Variants in LGSN observed in about 807,000 individuals in gnomAD.
LGSN encodes lengsin, lens protein with glutamine synthetase domain, also known as lengsin.
In LGSN, 21 loss-of-function variants were observed where a neutral mutation model predicts 19.5. The observed-to-expected ratio is 1.07, with a 90% CI of 0.76 to 1.55. The LOEUF (loss-of-function observed/expected upper bound fraction) is 1.55. Among genes scored for constraint, LGSN ranks in the 40% most tolerant of loss-of-function variants. The pLI, the probability that LGSN is intolerant of heterozygous loss-of-function variation, is 0.00. For missense variants in LGSN, 673 were observed against 608.5 expected, an observed-to-expected ratio of 1.11 and a Z score of -1.12; for synonymous variants, 257 against 215.6, an observed-to-expected ratio of 1.19 and a Z score of -1.68.
At chr6:63,451,697 T>C in the LGSN span, among the ~76,000 whole-genome samples, 1 of 151,974 alleles carries the variant, frequency 6.6e-6, no homozygotes, top group African/African-American at 2.4e-5. Context: ...CAAACCCCCA[T>C]GACACAAGTT....
the LGSN span, among the ~76,000 whole-genome samples, chr6:63,357,546 T>G: frequency 2.6e-5 from 4 of 152,218 alleles, no homozygotes; most frequent in Non-Finnish European, 5.9e-5. Flanking sequence ...AGATGGTATC[T>G]CATTGTGGTT....
chr6:63,543,936 T>G, the LGSN span, among the ~76,000 whole-genome samples: 1 of 152,230 alleles, frequency 6.6e-6, no homozygotes, highest in Non-Finnish European at 1.5e-5. Flanking sequence ...TAAGAGTTGT[T>G]TATAAAGTTT....
intron 3 of LGSN, among the ~76,000 whole-genome samples, chr6:63,284,388 T>A (rs911490263): frequency 2.6e-5 from 4 of 152,002 alleles, no homozygotes; most frequent in Non-Finnish European, 5.9e-5. Context: ...AGCAGTTGGA[T>A]AAAAAAAAGT....
chr6:63,337,735 T>C, the LGSN span, among the ~76,000 whole-genome samples: 1 of 151,792 alleles, frequency 6.6e-6, no homozygotes, highest in Non-Finnish European at 1.5e-5. Flanking sequence ...GCCCAGGAAG[T>C]TGAGCCTGCA....
chr6:63,319,883 G>A (rs1225564108), intron 1 of LGSN, 31 bp downstream of exon 1: 1 of 1,533,484 alleles, frequency 6.5e-7, no homozygotes, highest in Non-Finnish European at 9.0e-7. Flanking sequence ...CAATATTTTG[G>A]TTAAAAACAT....
At chr6:63,296,288 G>C (rs1767973833) in intron 1 of LGSN, among the ~76,000 whole-genome samples, 2 of 151,622 alleles carry the variant, frequency 1.3e-5, no homozygotes, top group Admixed American at 1.3e-4. Flanking sequence ...TGGATAATAT[G>C]ATACTTAATA....
the LGSN span, among the ~76,000 whole-genome samples, chr6:63,409,802 G>A: frequency 7.2e-5 from 11 of 152,170 alleles, no homozygotes; most frequent in South Asian, 6.2e-4. Context: ...TTGGAAGGCC[G>A]AGATGGGCAG....
At chr6:63,414,243 A>G in the LGSN span, among the ~76,000 whole-genome samples, 1 of 152,056 alleles carries the variant, frequency 6.6e-6, no homozygotes, top group African/African-American at 2.4e-5. Context: ...GGTGCCAAAA[A>G]AAAAATATTA....
chr6:63,390,118 CTTTTTTTTTTTTTTTT>C, the LGSN span, among the ~76,000 whole-genome samples: 1 of 66,336 alleles, frequency 1.5e-5, no homozygotes, highest in South Asian at 5.4e-4. Context: ...TTCTTTCTTT[CTTTTTTTTTTTTTTTT>C]TTTTTTTTTT....
the LGSN span, among the ~76,000 whole-genome samples, chr6:63,350,952 T>A: frequency 2.0e-5 from 3 of 152,236 alleles, no homozygotes; most frequent in African/African-American, 7.2e-5. Flanking sequence ...ATCACTAACA[T>A]CCAAAACTAT....
chr6:63,289,545 A>G (rs969162177), intron 2 of LGSN, among the ~76,000 whole-genome samples: 1 of 152,114 alleles, frequency 6.6e-6, no homozygotes, highest in Non-Finnish European at 1.5e-5. Flanking sequence ...ATTCCCTCAG[A>G]GGATTAATAA....
At chr6:63,533,210 G>A in the LGSN span, among the ~76,000 whole-genome samples, 2 of 152,038 alleles carry the variant, frequency 1.3e-5, no homozygotes, top group African/African-American at 4.8e-5. Flanking sequence ...GGTTAAACCT[G>A]GTATCTACTA....
chr6:63,284,120 T>C (rs953802886), intron 3 of LGSN, among the ~76,000 whole-genome samples: 1 of 152,188 alleles, frequency 6.6e-6, no homozygotes, highest in African/African-American at 2.4e-5. Flanking sequence ...GTTTCAAAAA[T>C]AAATTTAAAG....
chr6:63,387,184 A>G, the LGSN span, among the ~76,000 whole-genome samples: 1 of 152,206 alleles, frequency 6.6e-6, no homozygotes, highest in African/African-American at 2.4e-5. Flanking sequence ...CCTTCGAACC[A>G]AAGATTATCT....
the LGSN span, among the ~76,000 whole-genome samples, chr6:63,408,769 G>A: frequency 1.2e-3 from 183 of 151,626 alleles, 1 homozygote; most frequent in African/African-American, 4.1e-3. Context: ...GAAAATTTTC[G>A]CAACCTACTT....
chr6:63,281,909 T>C (rs1237409987), intron 3 of LGSN, among the ~76,000 whole-genome samples: 1 of 152,238 alleles, frequency 6.6e-6, no homozygotes, highest in East Asian at 1.9e-4. Context: ...CAAAATGTTG[T>C]AGCCTTCAAG....
At chr6:63,430,735 A>G in the LGSN span, among the ~76,000 whole-genome samples, 1 of 152,172 alleles carries the variant, frequency 6.6e-6, no homozygotes, top group Non-Finnish European at 1.5e-5. Flanking sequence ...TTCCCTGCCA[A>G]GAGTCCAACA....
chr6:63,529,159 G>A, the LGSN span, among the ~76,000 whole-genome samples: 1 of 100,318 alleles, frequency 1.0e-5, no homozygotes, highest in South Asian at 3.1e-4. Context: ...GTATATATAT[G>A]TGTGTATATA....
chr6:63,396,559 C>T, the LGSN span: 258 of 155,070 alleles, frequency 1.7e-3, 2 homozygotes, highest in African/African-American at 5.4e-3. Context: ...TTTGGGTACC[C>T]TTCTCCGCAT....
Sources: gnomAD v4.1 joint callset for allele counts (sites outside exome capture counted in the v4.1 genomes callset) on GRCh38, gnomAD v4.1.1 for gene constraint, MANE v1.5 for transcripts, NCBI Gene and HGNC (gene_info 2026-07-23, HGNC 2026-07-21) for gene names.